TMEM168: variants seen among roughly 807,000 people sequenced by gnomAD.
TMEM168 encodes the protein transmembrane protein 168.
Under a neutral mutation model 53.2 loss-of-function variants are expected in TMEM168, and 40 were observed. That is an observed-to-expected ratio of 0.75 (90% CI 0.58 to 0.98). The LOEUF (loss-of-function observed/expected upper bound fraction) is 0.98. Ranked by LOEUF, TMEM168 falls within the 50% of genes least tolerant of loss-of-function variation. The probability of loss-of-function intolerance (pLI) is 0.00; values close to 1 mark genes in which losing one functional copy is unlikely to be tolerated. For synonymous variants in TMEM168, 282 were observed against 293.0 expected (o/e 0.96, Z 0.38); for missense variants, 771 against 828.8 (o/e 0.93, Z 0.86).
Position 112,766,196 on chromosome 7 carries a change from C to T in TMEM168, c.*1001G>A, listed in dbSNP as rs1792773658. On this transcript the variant is annotated 3_prime_UTR_variant, in exon 5 of 5. Coordinates refer to ENST00000312814, the MANE Select transcript of TMEM168 (RefSeq NM_022484.6). ...AATTGCCAATATGAATACTTTTTTA[C>T]AGAATACATTACATGTATACCAGAA... The T allele has an allele frequency of 6.6e-6, 1 of 152,394 alleles. No individual in the cohort carries two copies. The highest frequency in any genetic ancestry group is 1.5e-5 in the Non-Finnish European group (1 of 68,016). The allele number at this position is 152,394 out of a possible 1,614,324, so 9.4% of individuals were successfully genotyped here.
chr7:112,786,794 C>G (rs1399498231), intron 1 of TMEM168, among the ~76,000 whole-genome samples: 1 of 152,122 alleles, frequency 6.6e-6, no homozygotes. Context: ...GGTCAACATT[C>G]TTCCCCATTC....
chr7:112,784,377 C>G lies in TMEM168; in HGVS notation c.449G>C (p.Arg150Pro). 2 of 1,614,042 alleles carry G rather than the reference C, an allele frequency of 1.2e-6. No homozygotes were observed. Among genetic ancestry groups the G allele is most frequent in the South Asian group, 2.2e-5 (2 of 91,076 alleles). ...TTCAACTGTGGTTAGTAAAGTGGGC[C>G]GATGACGGACATAACCAGAAATTCT... ...VERISGYVRH[R>P]PTLLTTVEFL... The change falls in exon 2 of 5, where the codon CGG becomes CCG. Residue 150 changes from arginine (R) to proline (P), a missense_variant. Coordinates refer to ENST00000312814, the MANE Select transcript of TMEM168 (RefSeq NM_022484.6).
At chr7:112,770,314 A>T (rs553113789) in intron 4 of TMEM168, among the ~76,000 whole-genome samples, 1 of 152,270 alleles carries the variant, frequency 6.6e-6, no homozygotes, top group Admixed American at 6.5e-5. Flanking sequence ...GCTGAATTAT[A>T]AGATAAAATC....
intron 4 of TMEM168, among the ~76,000 whole-genome samples, chr7:112,769,927 A>C (rs570240683): frequency 3.3e-5 from 5 of 152,294 alleles, no homozygotes; most frequent in African/African-American, 7.2e-5. Flanking sequence ...TAAAGGGCAA[A>C]TATAGATTCT....
At chr7:112,772,615 A>G (rs556621753) in intron 4 of TMEM168, among the ~76,000 whole-genome samples, 166 bp downstream of exon 4, 5 of 152,352 alleles carry the variant, frequency 3.3e-5, no homozygotes, top group Admixed American at 2.6e-4. Context: ...ATTAGAGATT[A>G]AATTAGGCTA....
chr7:112,775,218 GT>G lies in TMEM168; in HGVS notation c.1228del (p.Thr410HisfsTer8), dbSNP rs763643501. 99 of 1,613,558 alleles carry G rather than the reference GT, an allele frequency of 6.1e-5. No homozygotes were observed. Among genetic ancestry groups the G allele is most frequent in the Non-Finnish European group, 8.3e-5 (98 of 1,179,776 alleles). The part of the protein sequence containing the change: ...FHELGNCLGG[T>X]SVGYAIVIPT... ...AATCACAATAGCATATCCAACAGAT[GT>G]TCCTCCTAAACAGTTACCCAATTCA... is the stretch of plus-strand genomic sequence containing the variant. On this transcript the variant is annotated frameshift_variant, in exon 3 of 5. Transcript: ENST00000312814. LOFTEE classifies it high-confidence loss of function.
Position 112,789,199 on chromosome 7 carries a change from C to G in TMEM168, c.-129+961G>C, listed in dbSNP as rs569079192. Among the ~76,000 whole-genome samples the G allele has an allele frequency of 1.1e-4, 17 of 152,258 alleles. No homozygotes were observed. The Middle Eastern group carries it at 0.01, about 91-fold the overall frequency. Reference sequence around the variant, plus strand: ...CCTGGCTTATTCCAACTCTTCAGGTCTCAGATAAATCATTTTCTTAAGAGA... The same window carrying G: ...CCTGGCTTATTCCAACTCTTCAGGTGTCAGATAAATCATTTTCTTAAGAGA... On this transcript the variant is annotated intron_variant, in intron 1 of 4. Coordinates refer to ENST00000312814, the MANE Select transcript of TMEM168 (RefSeq NM_022484.6).
Position 112,767,426 on chromosome 7 carries a change from C to T in TMEM168, c.1865G>A (p.Trp622Ter). The change falls in exon 5 of 5, where the codon TGG (tryptophan) becomes TAG (stop). Residue 622 changes from tryptophan (W) to a stop codon, truncating the protein, a stop_gained. Transcript: ENST00000312814. LOFTEE classifies it high-confidence loss of function. ...TGGCAAATGCAGAGTGTAGTCACTC[C>T]ACCGTTTTGACACACCATATACTGC... ...VKAVYGVSKRWSDYTLHLPTG... is the reference protein window; with the variant it reads ...VKAVYGVSKR 1.2e-6 allele frequency: 2 copies of T among 1,614,128 alleles called. No homozygotes were observed. The highest frequency in any genetic ancestry group is 1.7e-6 in the Non-Finnish European group (2 of 1,180,018).
rs184425480 is a variant in TMEM168, at chr7:112,785,432, T to A, written c.-128-479A>T. ...CTGCCAAATATCCCCTACATCTTTT[T>A]ACAAGCCAGCTCTAGAATGTTACAC... is the stretch of plus-strand genomic sequence containing the variant. On this transcript the variant is annotated intron_variant, in intron 1 of 4. Coordinates refer to ENST00000312814, the MANE Select transcript of TMEM168 (RefSeq NM_022484.6). 1.5e-3 allele frequency among the ~76,000 whole-genome samples: 234 copies of A among 152,334 alleles called. 1 individual carries two copies. The highest frequency in any genetic ancestry group is 5.3e-3 in the African/African-American group (221 of 41,574).
rs749776471 is a variant in TMEM168, at chr7:112,767,430, G to A, written c.1861C>T (p.Arg621Trp). Reference protein sequence around the residue: ...TVKAVYGVSKRWSDYTLHLPT... With the variant: ...TVKAVYGVSKWWSDYTLHLPT... ...AAATGCAGAGTGTAGTCACTCCACC[G>A]TTTTGACACACCATATACTGCTTTC... The change falls in exon 5 of 5, where the codon CGG (arginine) becomes TGG (tryptophan). Residue 621 changes from arginine (R) to tryptophan (W), a missense_variant. By Grantham distance (101) the Arg-to-Trp change is moderately radical. Transcript: ENST00000312814. 62 of 1,613,964 alleles carry A rather than the reference G, an allele frequency of 3.8e-5. No homozygotes were observed. Among genetic ancestry groups the A allele is most frequent in the African/African-American group, 1.2e-4 (9 of 74,898 alleles).
intron 3 of TMEM168, among the ~76,000 whole-genome samples, 180 bp downstream of exon 3, chr7:112,774,996 A>T (rs1412519181): frequency 1.3e-5 from 2 of 152,216 alleles, no homozygotes; most frequent in African/African-American, 4.8e-5. Context: ...ATTTATCAAA[A>T]TATTTCAATT....
chr7:112,786,057 A>G (rs1793372106), intron 1 of TMEM168, among the ~76,000 whole-genome samples: 2 of 152,050 alleles, frequency 1.3e-5, no homozygotes, highest in African/African-American at 4.8e-5. Flanking sequence ...AAAATACAAA[A>G]ATTAGCCAGG....
In TMEM168 at chr7:112,784,353, T is replaced by C; in HGVS notation, c.473A>G (p.Glu158Gly). The C allele has an allele frequency of 6.2e-7, 1 of 1,614,130 alleles. No individual in the cohort carries two copies. ...GGCAAATCCAACAAGCTCCAGAAAT[T>C]CAACTGTGGTTAGTAAAGTGGGCCG... ...RHRPTLLTTV[E>G]FLELVGFAIA... The change falls in exon 2 of 5, where the codon GAA (glutamate) becomes GGA (glycine). Residue 158 changes from glutamate (E) to glycine (G), a missense_variant. Coordinates refer to ENST00000312814, the MANE Select transcript of TMEM168 (RefSeq NM_022484.6).
At chr7:112,783,203 A>G (rs1793276834) in intron 2 of TMEM168, among the ~76,000 whole-genome samples, 1 of 152,218 alleles carries the variant, frequency 6.6e-6, no homozygotes, top group Non-Finnish European at 1.5e-5. Context: ...ATGTTGTTAT[A>G]TATCTGATCA....
At chr7:112,768,604 AT>A (rs964175055) in intron 4 of TMEM168, among the ~76,000 whole-genome samples, 45 of 152,246 alleles carry the variant, frequency 3.0e-4, no homozygotes, top group Admixed American at 2.0e-3. Flanking sequence ...ACATCTCGTT[AT>A]TTTTTTGCAT....
Position 112,773,432 on chromosome 7 carries a change from C to A in TMEM168, c.1272-377G>T, listed in dbSNP as rs189507011. On this transcript the variant is annotated intron_variant, in intron 3 of 4. Transcript: ENST00000312814. ...TGGGTGGGGACTATTAAAAAAACTT[C>A]TTTAAAAATATTATAACACAAAATA... Among the ~76,000 whole-genome samples, 553 of 151,046 alleles carry A rather than the reference C, an allele frequency of 3.7e-3. 1 individual carries two copies. The highest frequency in any genetic ancestry group is 0.013 in the African/African-American group (523 of 40,800).
At chr7:112,768,940 G>C (rs1792859636) in intron 4 of TMEM168, among the ~76,000 whole-genome samples, 2 of 152,154 alleles carry the variant, frequency 1.3e-5, no homozygotes, top group Admixed American at 1.3e-4. Context: ...ATTAGAAAAA[G>C]CATGACAGTA....
chr7:112,789,134 C>T (rs1251109825), intron 1 of TMEM168, among the ~76,000 whole-genome samples: 1 of 152,134 alleles, frequency 6.6e-6, no homozygotes, highest in African/African-American at 2.4e-5. Context: ...TTGCCAGGTA[C>T]ACTCCTTTTC....
Position 112,767,457 on chromosome 7 carries a change from C to T in TMEM168, c.1834G>A (p.Val612Met). The T allele has an allele frequency of 6.2e-7, 1 of 1,614,186 alleles. No homozygotes were observed. The highest frequency in any genetic ancestry group is 8.5e-7 in the Non-Finnish European group (1 of 1,180,038). The change falls in exon 5 of 5, where the codon GTG (valine) becomes ATG (methionine). Residue 612 changes from valine to methionine, a missense_variant. Physicochemically the swap from Val to Met is conservative, Grantham distance 21. Transcript: ENST00000312814. ...NICWTEKGRTVKAVYGVSKRW... is the reference protein window; with the variant it reads ...NICWTEKGRTMKAVYGVSKRW... ...TTTGACACACCATATACTGCTTTCA[C>T]TGTGCGTCCCTTTTCAGTCCAGCAG...
Sources: gnomAD v4.1 joint callset for allele counts (sites outside exome capture counted in the v4.1 genomes callset) on GRCh38, gnomAD v4.1.1 for gene constraint, MANE v1.5 for transcripts, NCBI Gene and HGNC (gene_info 2026-07-23, HGNC 2026-07-21) for gene names.